The following WNT2B variants were observed in gnomAD, a reference collection of about 807,000 sequenced individuals.
The protein encoded by WNT2B is Wnt family member 2B, also known as protein Wnt-2b.
Under a neutral mutation model 40.5 loss-of-function variants are expected in WNT2B, and 19 were observed. That is an observed-to-expected ratio of 0.47 (90% CI 0.33 to 0.69). The LOEUF (loss-of-function observed/expected upper bound fraction) is 0.69, where lower values mean the gene tolerates loss of function less well. Ranked by LOEUF, WNT2B falls within the 30% of genes least tolerant of loss-of-function variation. The pLI is 0.02. For synonymous variants in WNT2B, 220 were observed against 211.9 expected, an observed-to-expected ratio of 1.04 and a Z score of -0.33; for missense variants, 467 against 556.4, an observed-to-expected ratio of 0.84 and a Z score of 1.62.
rs1485693033 is a variant in WNT2B, at chr1:112,509,238, G to A, written c.-25G>A. The stretch of plus-strand genomic sequence containing the variant: ...TGCCCCGTCCACGCCCCTCCGGGCT[G>A]CGCGGCGGGAGTCTTCGGGGAGCTA... On this transcript the variant is annotated 5_prime_UTR_variant, in exon 1 of 5. Coordinates refer to ENST00000369684, the MANE Select transcript of WNT2B (RefSeq NM_024494.3). This position sits in a 1 kb window ranked among gnomAD's most constrained non-coding sequence, Gnocchi z 4.2. 3.3e-6 allele frequency: 5 copies of A among 1,498,786 alleles called. No homozygotes were observed. Among genetic ancestry groups the A allele is most frequent in the Non-Finnish European group, 4.4e-6 (5 of 1,131,750 alleles). The allele number at this position is 1,498,786 out of a possible 1,614,324, so 92.8% of individuals were successfully genotyped here. A position where few individuals can be genotyped will look rare whatever the true frequency, so the allele number is the denominator to read the frequency against.
intron 4 of WNT2B, 34 bp downstream of exon 4, chr1:112,517,419 C>T (rs766123846): frequency 3.2e-6 from 5 of 1,575,652 alleles, no homozygotes; most frequent in Non-Finnish European, 4.3e-6. Flanking sequence ...ACATGCAGTC[C>T]CAGTTCTTAG....
intron 1 of WNT2B, among the ~76,000 whole-genome samples, chr1:112,492,403 C>T (rs1433542159): frequency 6.6e-6 from 1 of 152,182 alleles, no homozygotes; most frequent in Non-Finnish European, 1.5e-5. Context: ...GTACCAAAAC[C>T]TGAGCTGTAA....
intron 4 of WNT2B, chr1:112,517,758 A>G (rs964610356): frequency 5.0e-5 from 9 of 180,390 alleles, no homozygotes; most frequent in African/African-American, 1.9e-4. Flanking sequence ...TTCGCAATCT[A>G]CTTAAAGAAA....
chr1:112,520,173 G>C, intron 4 of WNT2B, 107 bp from the exon 5 acceptor site: 2 of 1,140,494 alleles, frequency 1.8e-6, no homozygotes, highest in Non-Finnish European at 2.5e-6. Flanking sequence ...ACTGTGCCCA[G>C]CCCAAAAAAG....
intron 1 of WNT2B, among the ~76,000 whole-genome samples, chr1:112,480,503 A>G (rs944651776): frequency 6.6e-6 from 1 of 152,154 alleles, no homozygotes; most frequent in Admixed American, 6.5e-5. Flanking sequence ...ATAAATTTCT[A>G]GAAACATACA....
At chr1:112,475,502 T>C (rs1301929858) in intron 1 of WNT2B, among the ~76,000 whole-genome samples, 2 of 152,206 alleles carry the variant, frequency 1.3e-5, no homozygotes, top group East Asian at 1.9e-4. Flanking sequence ...CACAGTGTAT[T>C]GTGGGCTTTT....
rs1382941981 is a variant in WNT2B at position 112,528,419 on chromosome 1, T to C, written c.*7910T>C. The C allele has an allele frequency of 1.3e-5, 2 of 152,108 alleles. No homozygotes were observed. Among genetic ancestry groups the C allele is most frequent in the Admixed American group, 1.3e-4 (2 of 15,260 alleles). The allele number at this position is 152,108 out of a possible 1,614,324, so 9.4% of individuals were successfully genotyped here. On this transcript the variant is annotated 3_prime_UTR_variant, in exon 5 of 5. Transcript: ENST00000369684. ...GCATCCCCTATAGAGCCACATAGTA[T>C]CTTGATTTATGTCAGTAAACATCAG...
chr1:112,487,343 G>A (rs1042001395), intron 1 of WNT2B, among the ~76,000 whole-genome samples: 1 of 152,100 alleles, frequency 6.6e-6, no homozygotes, highest in Non-Finnish European at 1.5e-5. Flanking sequence ...GATATAATAA[G>A]AAATATATAC....
chr1:112,484,087 T>G (rs985690413), intron 1 of WNT2B, among the ~76,000 whole-genome samples: 5 of 147,912 alleles, frequency 3.4e-5, no homozygotes, highest in Non-Finnish European at 6.0e-5. Context: ...ATAGTGAGAC[T>G]TTGTCTCCAA....
chr1:112,495,321 A>G (rs1201234165), intron 1 of WNT2B, among the ~76,000 whole-genome samples: 1 of 152,052 alleles, frequency 6.6e-6, no homozygotes, highest in African/African-American at 2.4e-5. Flanking sequence ...TCACGTCTGT[A>G]ATCCCAGCAC....
chr1:112,472,638 T>C (rs1650916614), intron 1 of WNT2B, among the ~76,000 whole-genome samples: 1 of 148,296 alleles, frequency 6.7e-6, no homozygotes, highest in South Asian at 2.1e-4. Flanking sequence ...AGAATATGTA[T>C]AGGAAAACAA....
chr1:112,498,329 C>G (rs1557914903), intron 1 of WNT2B, among the ~76,000 whole-genome samples: 1 of 152,038 alleles, frequency 6.6e-6, no homozygotes. Context: ...TCTTGGCTCA[C>G]TGCAACCTCT....
Position 112,517,282 on chromosome 1 carries a change from T to C in WNT2B, c.843T>C (p.Gly281=). The change falls in exon 4 of 5, where the codon GGT becomes GGC. Residue 281 remains glycine (G), a synonymous_variant. Transcript: ENST00000369684. ...TGCAGGTGATGGCCACCCAAGATGG[T>C]GCCAACTTCACCGCAGCCCGCCAAG... The part of the protein sequence containing the change: ...GAVQVMATQD[G]ANFTAARQGY... 1.2e-6 allele frequency: 2 copies of C among 1,614,206 alleles called. No individual in the cohort carries two copies. Among genetic ancestry groups the C allele is most frequent in the South Asian group, 1.1e-5 (1 of 91,088 alleles).
rs1652790310 is a variant in WNT2B, at chr1:112,520,197, C to A, written c.947-83C>A. On this transcript the variant is annotated intron_variant, in intron 4 of 4. Transcript: ENST00000369684. Reference sequence around the variant, plus strand: ...AGCCCAAAAAAGCGATTCTTTTTATCTTCCTTCTGAGAATGTGGTTAAGGG... The same window carrying A: ...AGCCCAAAAAAGCGATTCTTTTTATATTCCTTCTGAGAATGTGGTTAAGGG... The A allele has an allele frequency of 2.2e-5, 30 of 1,372,178 alleles. No individual in the cohort carries two copies. The South Asian group carries it at 3.5e-4, about 16-fold the overall frequency. 85.0% of individuals were successfully genotyped at this position (1,372,178 alleles called of 1,614,324 possible). A position where few individuals can be genotyped will look rare whatever the true frequency, so the allele number is the denominator to read the frequency against.
intron 1 of WNT2B, among the ~76,000 whole-genome samples, chr1:112,497,140 T>C (rs1651801203): frequency 6.6e-6 from 1 of 152,186 alleles, no homozygotes; most frequent in Non-Finnish European, 1.5e-5. Flanking sequence ...TGGGTTGGAA[T>C]AGGGTACCTG....
exon 1 of WNT2B, chr1:112,467,053 C>T (rs1341666790): frequency 6.3e-6 from 1 of 157,756 alleles, no homozygotes; most frequent in East Asian, 1.9e-4. Flanking sequence ...CAGTTAACCC[C>T]CAGTGGAGTC....
At chr1:112,495,505 C>T (rs1013097600) in intron 1 of WNT2B, among the ~76,000 whole-genome samples, 19 of 151,822 alleles carry the variant, frequency 1.3e-4, no homozygotes, top group African/African-American at 4.4e-4. Context: ...AGGAGAATGG[C>T]GTGAACCCAG....
chr1:112,511,215 G>C (rs1263233256), intron 1 of WNT2B, among the ~76,000 whole-genome samples: 2 of 149,686 alleles, frequency 1.3e-5, no homozygotes, highest in Non-Finnish European at 3.0e-5. Flanking sequence ...TAAAGATTCT[G>C]GAAAAATTCC....
At chr1:112,474,024 C>T (rs1438803161) in intron 1 of WNT2B, among the ~76,000 whole-genome samples, 2 of 142,046 alleles carry the variant, frequency 1.4e-5, no homozygotes, top group African/African-American at 5.3e-5. Flanking sequence ...AAGATAGGGC[C>T]ACTGCACTCC....
Sources: gnomAD v4.1 joint callset for allele counts (sites outside exome capture counted in the v4.1 genomes callset) on GRCh38, gnomAD v4.1.1 for gene constraint, Gnocchi (gnomAD v3.1) non-coding constraint, MANE v1.5 for transcripts, NCBI Gene and HGNC (gene_info 2026-07-23, HGNC 2026-07-21) for gene names.